Variants in VTI1A observed in about 807,000 individuals in gnomAD.
VTI1A encodes vesicle transport through interaction with t-SNAREs 1A.
Under a neutral mutation model 34.9 loss-of-function variants are expected in VTI1A, and 22 were observed. The observed-to-expected ratio is 0.63, with a 90% CI of 0.45 to 0.90. The LOEUF (loss-of-function observed/expected upper bound fraction) is 0.90. VTI1A is among the 40% of genes least tolerant of loss of function. The probability of loss-of-function intolerance (pLI) is 0.00; values close to 1 mark genes in which losing one functional copy is unlikely to be tolerated. For missense variants in VTI1A, 268 were observed against 275.6 expected (o/e 0.97, Z 0.20); for synonymous variants, 87 against 97.3 (o/e 0.89, Z 0.62).
intron 7 of VTI1A, among the ~76,000 whole-genome samples, chr10:112,763,213 G>T (rs1050548126): frequency 1.3e-5 from 2 of 152,038 alleles, no homozygotes; most frequent in East Asian, 1.9e-4. Flanking sequence ...GGTCGAGGCG[G>T]GCGGATCACA....
At position 112,647,792 on chromosome 10, in the gene VTI1A, A is replaced by G. The variant is rs1395482235; in HGVS notation, c.428-20426A>G. 2.0e-5 allele frequency among the ~76,000 whole-genome samples: 3 copies of G among 152,160 alleles called. 1 individual carries two copies. Among genetic ancestry groups the G allele is most frequent in the Admixed American group, 2.0e-4 (3 of 15,274 alleles). ...TAATTTTATTTTTATTTTTTGAGAC[A>G]AAGTTTCACTCCTGTTGTCCAGGCT... On this transcript the variant is annotated intron_variant, in intron 5 of 7. Coordinates refer to ENST00000393077, the MANE Select transcript of VTI1A (RefSeq NM_145206.4).
chr10:112,853,020 G>C, the VTI1A span, among the ~76,000 whole-genome samples: 2 of 152,030 alleles, frequency 1.3e-5, no homozygotes, highest in Non-Finnish European at 2.9e-5. Flanking sequence ...TCCAGACCTC[G>C]TGATCCACCT....
intron 1 of VTI1A, among the ~76,000 whole-genome samples, chr10:112,453,331 T>C (rs1198117632): frequency 6.6e-6 from 1 of 152,238 alleles, no homozygotes; most frequent in African/African-American, 2.4e-5. Flanking sequence ...GTAAAGTTAC[T>C]GTTTCCCTCC....
At chr10:112,475,124 C>T (rs1848236392) in intron 3 of VTI1A, among the ~76,000 whole-genome samples, 1 of 152,194 alleles carries the variant, frequency 6.6e-6, no homozygotes, top group African/African-American at 2.4e-5. Context: ...TATTGTTAGT[C>T]CTATGTGCTG....
intron 7 of VTI1A, among the ~76,000 whole-genome samples, chr10:112,701,525 G>A (rs1849009733): frequency 1.3e-5 from 2 of 152,168 alleles, no homozygotes; most frequent in Admixed American, 1.3e-4. Flanking sequence ...TCCCTATGTT[G>A]AGGCTCAAGA....
chr10:112,676,218 A>G (rs1440003821), intron 7 of VTI1A, among the ~76,000 whole-genome samples: 1 of 152,108 alleles, frequency 6.6e-6, no homozygotes, highest in Non-Finnish European at 1.5e-5. Flanking sequence ...AATAAATCCC[A>G]TCATCCTTTC....
intron 5 of VTI1A, among the ~76,000 whole-genome samples, chr10:112,570,906 C>T (rs1037639947): frequency 4.6e-5 from 7 of 152,176 alleles, no homozygotes; most frequent in Admixed American, 4.6e-4. Context: ...GTGCCTGGCA[C>T]CATGTTAAAG....
intron 7 of VTI1A, among the ~76,000 whole-genome samples, chr10:112,803,454 A>G (rs1054386858): frequency 6.6e-6 from 1 of 152,260 alleles, no homozygotes; most frequent in Non-Finnish European, 1.5e-5. Flanking sequence ...CGTCAGGTAC[A>G]GACACCGTTA....
At chr10:112,766,688 T>C (rs996032223) in intron 7 of VTI1A, among the ~76,000 whole-genome samples, 2 of 152,212 alleles carry the variant, frequency 1.3e-5, no homozygotes, top group African/African-American at 4.8e-5. Flanking sequence ...ATTCCTACCA[T>C]AGGGAAGAGA....
chr10:112,846,778 A>AAAAT, the VTI1A span, among the ~76,000 whole-genome samples: 10 of 152,024 alleles, frequency 6.6e-5, no homozygotes, highest in Non-Finnish European at 1.3e-4. Context: ...AAAAAAAAAA[A>AAAAT]AAAAGAAAAA....
At chr10:112,583,078 G>T (rs1844012010) in intron 5 of VTI1A, among the ~76,000 whole-genome samples, 2 of 152,086 alleles carry the variant, frequency 1.3e-5, no homozygotes, top group Non-Finnish European at 2.9e-5. Flanking sequence ...TATGCATGTG[G>T]GCATCTTATA....
At chr10:112,543,297 G>C (rs1169959274) in intron 5 of VTI1A, among the ~76,000 whole-genome samples, 3 of 152,144 alleles carry the variant, frequency 2.0e-5, no homozygotes. Context: ...CCCACCAACA[G>C]TGTAAAAGTG....
At chr10:112,688,215 A>C (rs565343537) in intron 7 of VTI1A, among the ~76,000 whole-genome samples, 32 of 151,894 alleles carry the variant, frequency 2.1e-4, no homozygotes, top group African/African-American at 7.3e-4. Context: ...CAGCCTCCCA[A>C]AGTGCTGGGA....
At chr10:112,555,823 T>C (rs996295025) in intron 5 of VTI1A, among the ~76,000 whole-genome samples, 1 of 152,024 alleles carries the variant, frequency 6.6e-6, no homozygotes, top group African/African-American at 2.4e-5. Context: ...CATTTTAGTT[T>C]TGGTGTTTAA....
At chr10:112,724,881 A>G (rs1234189569) in intron 7 of VTI1A, among the ~76,000 whole-genome samples, 2 of 151,814 alleles carry the variant, frequency 1.3e-5, no homozygotes, top group South Asian at 2.1e-4. Context: ...TCTAACACCC[A>G]TCTTCAACAG....
At chr10:112,791,993 C>T (rs1046108888) in intron 7 of VTI1A, among the ~76,000 whole-genome samples, 3 of 152,078 alleles carry the variant, frequency 2.0e-5, no homozygotes, top group Admixed American at 6.5e-5. Flanking sequence ...ACTGTGGACT[C>T]GGCCAGGCAC....
At chr10:112,495,198 T>C (rs941400471) in intron 3 of VTI1A, among the ~76,000 whole-genome samples, 5 of 111,398 alleles carry the variant, frequency 4.5e-5, no homozygotes, top group African/African-American at 9.3e-5. Context: ...GTAATGGTCT[T>C]TTTTTTTTTT....
At chr10:112,846,765 CAAAAAAA>C in the VTI1A span, among the ~76,000 whole-genome samples, 72 of 60,650 alleles carry the variant, frequency 1.2e-3, no homozygotes, top group African/African-American at 3.6e-3. Flanking sequence ...GACTCCGTCT[CAAAAAAA>C]AAAAAAAAAA....
At chr10:112,456,161 C>T (rs1435464885) in intron 1 of VTI1A, among the ~76,000 whole-genome samples, 2 of 152,162 alleles carry the variant, frequency 1.3e-5, no homozygotes, top group Non-Finnish European at 1.5e-5. Flanking sequence ...TGGCTCACAC[C>T]TGTAATCCCA....
Sources: allele counts gnomAD v4.1 joint callset (sites outside exome capture counted in the v4.1 genomes callset), GRCh38; gene constraint gnomAD v4.1.1; transcripts MANE v1.5; gene names NCBI Gene and HGNC (gene_info 2026-07-23, HGNC 2026-07-21).